Variants in KALRN observed in about 807,000 individuals in gnomAD.
KALRN encodes the protein kalirin RhoGEF kinase.
In KALRN, 70 loss-of-function variants were observed where a neutral mutation model predicts 353.7. That is an observed-to-expected ratio of 0.20 (90% CI 0.16 to 0.24). The LOEUF (loss-of-function observed/expected upper bound fraction) is 0.24, where lower values mean the gene tolerates loss of function less well. Ranked by LOEUF, KALRN falls within the 10% of genes least tolerant of loss-of-function variation. The probability of loss-of-function intolerance (pLI) is 1.00; values close to 1 mark genes in which losing one functional copy is unlikely to be tolerated. For synonymous variants in KALRN, 1,391 were observed against 1,434.8 expected, an observed-to-expected ratio of 0.97 and a Z score of 0.69; for missense variants, 2,791 against 3,756.7, an observed-to-expected ratio of 0.74 and a Z score of 6.72.
chr3:124,666,384 A>C, intron 45 of KALRN, 65 bp from the exon 46 acceptor site: 1 of 1,482,576 alleles, frequency 6.7e-7, no homozygotes, highest in Non-Finnish European at 9.3e-7. Context: ...GGTTCTGTGG[A>C]CCCAGAGGGC....
chr3:124,130,088 A>G (rs1047207979), intron 1 of KALRN, among the ~76,000 whole-genome samples: 4 of 152,254 alleles, frequency 2.6e-5, no homozygotes, highest in African/African-American at 7.2e-5. Flanking sequence ...TTCAGGACAT[A>G]GAAATAGCCT....
chr3:124,398,635 C>T (rs1225352876), intron 12 of KALRN, 62 bp from the exon 13 acceptor site: 31 of 1,554,640 alleles, frequency 2.0e-5, no homozygotes, highest in African/African-American at 6.8e-5. Context: ...TCCCCCTCCT[C>T]CTCTGTCACT....
At chr3:124,206,420 C>G (rs1453510814) in intron 1 of KALRN, among the ~76,000 whole-genome samples, 2 of 152,156 alleles carry the variant, frequency 1.3e-5, no homozygotes, top group African/African-American at 2.4e-5. Context: ...TACAACTGTT[C>G]CTAACTGCAA....
At chr3:124,303,622 G>T (rs2077439741) in intron 6 of KALRN, among the ~76,000 whole-genome samples, 1 of 152,104 alleles carries the variant, frequency 6.6e-6, no homozygotes, top group South Asian at 2.1e-4. Flanking sequence ...TTAATTAGCT[G>T]GTTCTTTGGG....
chr3:124,620,969 G>A (rs947239432), intron 34 of KALRN, among the ~76,000 whole-genome samples: 2 of 152,006 alleles, frequency 1.3e-5, no homozygotes, highest in African/African-American at 4.8e-5. Context: ...GAAGAAGCCT[G>A]CAGTAGTTGA....
At chr3:124,105,486 C>T (rs16835100) in intron 1 of KALRN, among the ~76,000 whole-genome samples, 22,910 of 151,840 alleles carry the variant, frequency 0.15, 2,091 homozygotes, top group East Asian at 0.46. Flanking sequence ...GACTGTTTTT[C>T]GAAAGTATTG....
intron 34 of KALRN, 88 bp from the exon 35 acceptor site, chr3:124,632,332 G>A: frequency 7.6e-7 from 1 of 1,323,480 alleles, no homozygotes; most frequent in Non-Finnish European, 1.1e-6. Context: ...TTGTGTCCTA[G>A]CTTCCTGAGG....
rs538507776 is a variant in KALRN at position 124,244,745 on chromosome 3, C to G, written c.263+9802C>G. Among the ~76,000 whole-genome samples the G allele has an allele frequency of 7.9e-5, 12 of 152,308 alleles. No individual in the cohort carries two copies. The Middle Eastern group carries it at 0.024, about 302-fold the overall frequency. On this transcript the variant is annotated intron_variant, in intron 3 of 59. Coordinates refer to ENST00000682506, the MANE Select transcript of KALRN (RefSeq NM_001388419.1). ...GAAGTTCAGTGTTGTAAGTAACCCT[C>G]AGTAAAAATCTTTTTATGTAAACCT...
intron 1 of KALRN, among the ~76,000 whole-genome samples, chr3:124,212,458 T>A (rs942425405): frequency 1.3e-5 from 2 of 152,174 alleles, no homozygotes; most frequent in African/African-American, 4.8e-5. Context: ...AAATACAAAT[T>A]GTAATGGCTG....
chr3:124,384,880 A>G lies in KALRN; in HGVS notation c.1806A>G (p.Ala602=). 1.2e-6 allele frequency: 2 copies of G among 1,612,054 alleles called. No individual in the cohort carries two copies. Among genetic ancestry groups the G allele is most frequent in the East Asian group, 2.2e-5 (1 of 44,850 alleles). ...TYTNADKLLE[A]AEQLAQTGEC... The stretch of plus-strand genomic sequence containing the variant: ...CCAATGCGGACAAGCTCCTAGAAGC[A>G]GCAGAGCAGTTGGCTCAGACGGGGG... Residue 602 remains alanine (A), a synonymous_variant, in exon 11 of 60, where the codon GCA becomes GCG. Coordinates refer to ENST00000682506, the MANE Select transcript of KALRN (RefSeq NM_001388419.1).
chr3:124,185,004 G>GGTTT (rs138428169), intron 1 of KALRN, among the ~76,000 whole-genome samples: 2 of 152,194 alleles, frequency 1.3e-5, no homozygotes, highest in East Asian at 3.9e-4. Flanking sequence ...CATTTATGGA[G>GGTTT]GTTTGTTTGT....
chr3:124,220,239 G>A (rs543200884), intron 1 of KALRN, among the ~76,000 whole-genome samples: 5 of 152,236 alleles, frequency 3.3e-5, no homozygotes, highest in East Asian at 1.9e-4. Flanking sequence ...TACTGAGACC[G>A]GCCGGTGGTA....
chr3:124,348,442 G>A (rs539806841), intron 10 of KALRN, among the ~76,000 whole-genome samples: 1 of 152,266 alleles, frequency 6.6e-6, no homozygotes, highest in South Asian at 2.1e-4. Flanking sequence ...CATCTCTAGG[G>A]GAGCTGCAAG....
At chr3:124,595,379 C>A (rs1338901673) in intron 34 of KALRN, among the ~76,000 whole-genome samples, 1 of 152,098 alleles carries the variant, frequency 6.6e-6, no homozygotes, top group Admixed American at 6.5e-5. Context: ...TGAGATCAGC[C>A]ATGGTGGGAG....
chr3:124,390,470 C>T (rs536915872), intron 11 of KALRN, among the ~76,000 whole-genome samples: 11 of 152,234 alleles, frequency 7.2e-5, no homozygotes, highest in East Asian at 3.9e-4. Context: ...CTCCTCTATC[C>T]GCCAACTCTG....
At chr3:124,674,816 G>A in intron 49 of KALRN, 1 of 446,132 alleles carries the variant, frequency 2.2e-6, no homozygotes, top group East Asian at 3.6e-5. Context: ...TTTTTAGTTG[G>A]TGGTGGCGAT....
rs2061518580 is a variant in KALRN at position 124,477,300 on chromosome 3, A to G, written c.4157A>G (p.Gln1386Arg). 1 of 1,613,878 alleles carries G rather than the reference A, an allele frequency of 6.2e-7. No individual in the cohort carries two copies. The highest frequency in any genetic ancestry group is 8.5e-7 in the Non-Finnish European group (1 of 1,179,888). Residue 1386 changes from glutamine (Q) to arginine (R), a missense_variant, in exon 27 of 60, where the codon CAG becomes CGG. This residue lies in a region of KALRN where 54 missense variants were observed against 131.7 expected (regional missense o/e 0.41). Transcript: ENST00000682506. Reference protein sequence around the residue: ...TYCKNKPDSNQLILEHAGTFF... With the variant: ...TYCKNKPDSNRLILEHAGTFF... Reference sequence around the variant, plus strand: ...TGTAAAAACAAGCCTGATTCCAACCAGCTTATCCTGGAGCATGCGGGCACC... The same window carrying G: ...TGTAAAAACAAGCCTGATTCCAACCGGCTTATCCTGGAGCATGCGGGCACC...
chr3:124,698,054 C>T (rs1454463755), intron 55 of KALRN, among the ~76,000 whole-genome samples: 1 of 152,194 alleles, frequency 6.6e-6, no homozygotes, highest in Non-Finnish European at 1.5e-5. Context: ...ACTGCAGCCT[C>T]CACCTCCTGG....
rs897576924 is a variant in KALRN, at chr3:124,401,730, C to G, written c.2346+2859C>G. Reference sequence around the variant, plus strand: ...TTTACAAGGGGTCTTATTCCCTTGTCTTGTGGGGGAGGCCCAAAAGCTTGG... The same window carrying G: ...TTTACAAGGGGTCTTATTCCCTTGTGTTGTGGGGGAGGCCCAAAAGCTTGG... On this transcript the variant is annotated intron_variant, in intron 13 of 59. Transcript: ENST00000682506. 7.2e-5 allele frequency among the ~76,000 whole-genome samples: 11 copies of G among 152,090 alleles called. 1 individual carries two copies. The highest frequency in any genetic ancestry group is 7.2e-4 in the Admixed American group (11 of 15,274).
Sources: gnomAD v4.1 joint callset for allele counts (sites outside exome capture counted in the v4.1 genomes callset) on GRCh38, gnomAD v4.1.1 for gene constraint, gnomAD v4.1.1 regional missense constraint, MANE v1.5 for transcripts, NCBI Gene and HGNC (gene_info 2026-07-23, HGNC 2026-07-21) for gene names.